The following TBX15 variants were observed in gnomAD, a reference collection of about 807,000 sequenced individuals.
The protein encoded by TBX15 is T-box transcription factor TBX15.
In TBX15, 18 loss-of-function variants were observed where a neutral mutation model predicts 53.9. The ratio of observed to expected loss-of-function variants is 0.33; its 90% CI spans 0.23 to 0.49. The LOEUF (loss-of-function observed/expected upper bound fraction) is 0.49, where lower values mean the gene tolerates loss of function less well. TBX15 is among the 20% of genes least tolerant of loss of function. The pLI, the probability that TBX15 is intolerant of heterozygous loss-of-function variation, is 0.98. For synonymous variants in TBX15, 295 were observed against 278.0 expected (o/e 1.06, Z -0.61); for missense variants, 692 against 749.5 (o/e 0.92, Z 0.90).
At chr1:118,894,149 C>T (rs562104676) in intron 7 of TBX15, among the ~76,000 whole-genome samples, 2 of 152,134 alleles carry the variant, frequency 1.3e-5, no homozygotes, top group South Asian at 2.1e-4. Flanking sequence ...AAGAGCACAC[C>T]ATGTTTGAGA....
intron 7 of TBX15, among the ~76,000 whole-genome samples, chr1:118,887,814 G>GA (rs561330150): frequency 1.1e-4 from 16 of 147,706 alleles, no homozygotes; most frequent in South Asian, 2.2e-4. Context: ...TTTTTAGCAG[G>GA]AAAAAAAAAA....
chr1:118,883,475 G>A lies in TBX15; in HGVS notation c.*1257C>T, dbSNP rs1653797965. 1 of 152,208 alleles carries A rather than the reference G, an allele frequency of 6.6e-6. No individual in the cohort carries two copies. Among genetic ancestry groups the A allele is most frequent in the Non-Finnish European group, 1.5e-5 (1 of 68,052 alleles). The allele number at this position is 152,208 out of a possible 1,614,324, so 9.4% of individuals were successfully genotyped here. The stretch of plus-strand genomic sequence containing the variant: ...ATAGAAGACCCATCTGCAATTCCCT[G>A]GGACATGAGGGGATATTTCCTGCCA... On this transcript the variant is annotated 3_prime_UTR_variant, in exon 8 of 8. Transcript: ENST00000369429.
chr1:118,899,411 A>G (rs1394816905), intron 6 of TBX15, among the ~76,000 whole-genome samples: 1 of 152,156 alleles, frequency 6.6e-6, no homozygotes, highest in East Asian at 1.9e-4. Context: ...GCAAAAAAGC[A>G]TGGTAAGTAT....
chr1:118,981,466 G>A (rs1657650851), intron 1 of TBX15, among the ~76,000 whole-genome samples: 1 of 152,086 alleles, frequency 6.6e-6, no homozygotes, highest in Non-Finnish European at 1.5e-5. Context: ...ATACATTTGT[G>A]AACATATGTT....
At chr1:118,939,750 C>A (rs932435444) in intron 1 of TBX15, among the ~76,000 whole-genome samples, 1 of 151,720 alleles carries the variant, frequency 6.6e-6, no homozygotes. Context: ...TATAAAAAAA[C>A]TTTGCTTTAG....
At position 118,987,712 on chromosome 1, in the gene TBX15, T is replaced by A; in HGVS notation, c.84A>T (p.Lys28Asn). The change falls in exon 1 of 8, where the codon AAA becomes AAT. Residue 28 changes from lysine to asparagine, a missense_variant. Physicochemically the swap from Lys to Asn is moderately conservative, Grantham distance 94. Transcript: ENST00000369429. ...FSVEALIGSN[K>N]KRKLRDWEEK... ...CCTCCCAGTCTCGCAGTTTCCGTTT[T>A]TTATTTGAGCCGATCAAGGCTTCAA... 6.4e-7 allele frequency: 1 copy of A among 1,550,422 alleles called. No homozygotes were observed. The highest frequency in any genetic ancestry group is 8.7e-7 in the Non-Finnish European group (1 of 1,146,852).
upstream of TBX15, chr1:118,989,253 CT>C (rs1290726602): frequency 6.6e-6 from 1 of 152,364 alleles, no homozygotes; most frequent in African/African-American, 2.4e-5. Context: ...GATCTCCCCC[CT>C]GGCCGCCCCC....
At chr1:118,943,214 T>C (rs1656243217) in intron 1 of TBX15, among the ~76,000 whole-genome samples, 1 of 152,220 alleles carries the variant, frequency 6.6e-6, no homozygotes, top group Admixed American at 6.5e-5. Context: ...TCTCAGTCAC[T>C]TCCCTGTCCC....
chr1:118,902,378 G>A (rs1383306249), intron 6 of TBX15, among the ~76,000 whole-genome samples: 1 of 152,068 alleles, frequency 6.6e-6, no homozygotes, highest in Non-Finnish European at 1.5e-5. Context: ...CGCATCTCAA[G>A]GGCTTAGGTC....
intron 6 of TBX15, among the ~76,000 whole-genome samples, chr1:118,912,606 C>T (rs1655059499): frequency 6.6e-6 from 1 of 151,914 alleles, no homozygotes; most frequent in Non-Finnish European, 1.5e-5. Flanking sequence ...TTCTGTTAGC[C>T]CATAGTGCAG....
rs1571177685 is a variant in TBX15, at chr1:118,923,600, T to C, written c.697A>G (p.Ile233Val). ...TGGTATTTGTGCATAGAGTGCAGAATGATCTGAAATAAAAAGGGGAATTGT... is the reference window on the plus strand; with the variant it reads ...TGGTATTTGTGCATAGAGTGCAGAACGATCTGAAATAAAAAGGGGAATTGT... Reference protein sequence around the residue: ...NNELDDQGHIILHSMHKYQPR... With the variant: ...NNELDDQGHIVLHSMHKYQPR... Residue 233 changes from isoleucine to valine, a missense_variant, in exon 5 of 8, where the codon ATT (isoleucine) becomes GTT (valine). Ile to Val is a conservative substitution (Grantham distance 29). Coordinates refer to ENST00000369429, the MANE Select transcript of TBX15 (RefSeq NM_001330677.2). The C allele has an allele frequency of 6.2e-7, 1 of 1,613,830 alleles. No homozygotes were observed. Among genetic ancestry groups the C allele is most frequent in the Non-Finnish European group, 8.5e-7 (1 of 1,179,778 alleles).
chr1:118,889,754 A>G (rs1254403824), intron 7 of TBX15, among the ~76,000 whole-genome samples: 1 of 152,160 alleles, frequency 6.6e-6, no homozygotes, highest in Non-Finnish European at 1.5e-5. Flanking sequence ...ATATAATAGT[A>G]TACATTACAA....
At chr1:118,888,770 C>T (rs1260149006) in intron 7 of TBX15, among the ~76,000 whole-genome samples, 5 of 152,172 alleles carry the variant, frequency 3.3e-5, no homozygotes, top group Non-Finnish European at 1.5e-5. Context: ...CAGGTATGTT[C>T]TATCAGGCAC....
intron 1 of TBX15, among the ~76,000 whole-genome samples, chr1:118,967,742 A>G (rs1657098272): frequency 6.6e-6 from 1 of 152,262 alleles, no homozygotes; most frequent in Admixed American, 6.5e-5. Context: ...CATAGCTCCC[A>G]GAGTTAACCT....
Position 118,983,371 on chromosome 1 carries a change from G to A in TBX15, c.205+4220C>T, listed in dbSNP as rs150427805. Among the ~76,000 whole-genome samples the A allele has an allele frequency of 8.5e-4, 130 of 152,182 alleles. 1 individual carries two copies. The highest frequency in any genetic ancestry group is 7.2e-3 in the East Asian group (37 of 5,172). ...CTACTGGTTTCTATTGTGCCACCGCGCCGGGGCCGGAGTTTTACATAGAAT... is the reference window on the plus strand; with the variant it reads ...CTACTGGTTTCTATTGTGCCACCGCACCGGGGCCGGAGTTTTACATAGAAT... On this transcript the variant is annotated intron_variant, in intron 1 of 7. Transcript: ENST00000369429.
At chr1:118,951,273 T>A (rs960102054) in intron 1 of TBX15, among the ~76,000 whole-genome samples, 1 of 152,220 alleles carries the variant, frequency 6.6e-6, no homozygotes, top group African/African-American at 2.4e-5. Flanking sequence ...TACCTCCCAA[T>A]GTAGAAGACA....
chr1:118,933,107 T>C (rs1298620232), intron 1 of TBX15, among the ~76,000 whole-genome samples: 4 of 152,184 alleles, frequency 2.6e-5, no homozygotes, highest in African/African-American at 9.7e-5. Context: ...CAACCTCACT[T>C]ACCTGCAGCA....
Position 118,899,122 on chromosome 1 carries a change from A to T in TBX15, c.930T>A (p.Thr310=), listed in dbSNP as rs777366642. 4 of 1,613,290 alleles carry T rather than the reference A, an allele frequency of 2.5e-6. No individual in the cohort carries two copies. Among genetic ancestry groups the T allele is most frequent in the East Asian group, 2.2e-5 (1 of 44,846 alleles). The change falls in exon 7 of 8, where the codon ACT becomes ACA. Residue 310 remains threonine, a synonymous_variant. Coordinates refer to ENST00000369429, the MANE Select transcript of TBX15 (RefSeq NM_001330677.2). ...KGFRDSGRNR[T]GLEAIMETYA... ...ATGTCTCCATGATGGCTTCAAGTCC[A>T]GTTCTGACAAGAGAAAAGCCAGCAA... is the stretch of plus-strand genomic sequence containing the variant.
intron 5 of TBX15, 44 bp downstream of exon 5, chr1:118,923,392 C>A (rs780667920): frequency 1.9e-6 from 3 of 1,612,272 alleles, no homozygotes; most frequent in East Asian, 2.2e-5. Flanking sequence ...GCAGAAGGAC[C>A]AAAAAACAGA....
Sources: allele counts gnomAD v4.1 joint callset (sites outside exome capture counted in the v4.1 genomes callset), GRCh38; gene constraint gnomAD v4.1.1; transcripts MANE v1.5; gene names NCBI Gene and HGNC (gene_info 2026-07-23, HGNC 2026-07-21).